MAGI1: variants seen among roughly 807,000 people sequenced by gnomAD.
MAGI1 encodes membrane associated guanylate kinase, WW and PDZ domain containing 1.
MAGI1 carries 58 observed loss-of-function variants against 139.9 expected under a neutral mutation model. The observed-to-expected ratio is 0.41, with a 90% CI of 0.34 to 0.52. MAGI1 has a LOEUF of 0.52. Ranked by LOEUF, MAGI1 falls within the 20% of genes least tolerant of loss-of-function variation. The pLI is 0.12. For missense variants in MAGI1, 1,874 were observed against 1,901.6 expected (o/e 0.99, Z 0.27); for synonymous variants, 812 against 737.9 (o/e 1.10, Z -1.63).
At chr3:65,414,663 C>T (rs1454914102) in intron 12 of MAGI1, among the ~76,000 whole-genome samples, 1 of 152,136 alleles carries the variant, frequency 6.6e-6, no homozygotes, top group East Asian at 1.9e-4. Context: ...GCAATTGATC[C>T]TAAGTTGCCA....
chr3:65,710,566 C>T (rs921566629), intron 1 of MAGI1, among the ~76,000 whole-genome samples: 2 of 152,030 alleles, frequency 1.3e-5, no homozygotes, highest in Non-Finnish European at 2.9e-5. Flanking sequence ...CGTGAGCCAC[C>T]GTGCCCAGCC....
intron 1 of MAGI1, among the ~76,000 whole-genome samples, chr3:65,664,898 G>C (rs2086415527): frequency 1.3e-5 from 2 of 152,228 alleles, no homozygotes; most frequent in Non-Finnish European, 1.5e-5. Flanking sequence ...TAGTGCTGAA[G>C]TCTATATAGT....
intron 12 of MAGI1, among the ~76,000 whole-genome samples, chr3:65,422,425 C>T (rs1946694303): frequency 6.6e-6 from 1 of 152,152 alleles, no homozygotes; most frequent in African/African-American, 2.4e-5. Flanking sequence ...GGTTCAGAGT[C>T]AGGATCTGTC....
chr3:65,413,071 A>AAC (rs1164033412), intron 12 of MAGI1, among the ~76,000 whole-genome samples: 1 of 123,022 alleles, frequency 8.1e-6, no homozygotes, highest in Non-Finnish European at 1.7e-5. Context: ...ACAAAAAGCG[A>AAC]ACACATGCTG....
chr3:65,806,090 TTAAAA>T (rs1007126460), intron 1 of MAGI1, among the ~76,000 whole-genome samples: 1 of 152,100 alleles, frequency 6.6e-6, no homozygotes, highest in African/African-American at 2.4e-5. Flanking sequence ...ATCCTGGAAC[TTAAAA>T]TAAAATATAA....
At position 65,641,635 on chromosome 3, in the gene MAGI1, G is replaced by A. The variant is rs573047405; in HGVS notation, c.314-19547C>T. 2.0e-5 allele frequency among the ~76,000 whole-genome samples: 3 copies of A among 152,284 alleles called. No homozygotes were observed. In the South Asian group the frequency reaches 6.2e-4, roughly 32 times the overall value. On this transcript the variant is annotated intron_variant, in intron 1 of 22. Coordinates refer to ENST00000402939, the MANE Select transcript of MAGI1 (RefSeq NM_001033057.2). ...TATAAGACTCTGAACCAGGTGCAGA[G>A]AGTGGTACGGGAGTGAAGAACATCA...
chr3:65,554,750 C>G, intron 2 of MAGI1, among the ~76,000 whole-genome samples: 1 of 152,172 alleles, frequency 6.6e-6, no homozygotes, highest in Non-Finnish European at 1.5e-5. Flanking sequence ...CATCAGACAA[C>G]CCTGATTTAA....
chr3:65,822,678 GA>G (rs1253581569), intron 1 of MAGI1, among the ~76,000 whole-genome samples: 1 of 152,216 alleles, frequency 6.6e-6, no homozygotes, highest in East Asian at 1.9e-4. Context: ...GAGGCCTCAG[GA>G]AGTTTACAAT....
At chr3:65,409,698 A>C (rs567491797) in intron 12 of MAGI1, among the ~76,000 whole-genome samples, 2 of 152,256 alleles carry the variant, frequency 1.3e-5, no homozygotes, top group South Asian at 4.1e-4. Context: ...TTTCAATACA[A>C]ATATGATACC....
intron 22 of MAGI1, chr3:65,359,238 A>G (rs1262373642): frequency 3.8e-6 from 6 of 1,574,062 alleles, no homozygotes; most frequent in East Asian, 4.5e-5. Context: ...TAGATTCCCT[A>G]TAACACAGAG....
chr3:65,967,887 T>A (rs2064834600), intron 1 of MAGI1, among the ~76,000 whole-genome samples: 1 of 152,072 alleles, frequency 6.6e-6, no homozygotes, highest in South Asian at 2.1e-4. Context: ...GAGCCAGCGA[T>A]TAAAGGGGAG....
At chr3:66,018,281 A>G (rs2067775918) in intron 1 of MAGI1, among the ~76,000 whole-genome samples, 1 of 152,184 alleles carries the variant, frequency 6.6e-6, no homozygotes, top group Non-Finnish European at 1.5e-5. Context: ...GGGATGTAAA[A>G]GCAGAGTATT....
chr3:65,397,426 T>C (rs1944478540), intron 13 of MAGI1, among the ~76,000 whole-genome samples: 2 of 152,290 alleles, frequency 1.3e-5, no homozygotes, highest in African/African-American at 4.8e-5. Context: ...GCTTGCTATG[T>C]CTGCTCTAAA....
chr3:65,460,627 A>G (rs999006703), intron 5 of MAGI1, among the ~76,000 whole-genome samples: 1 of 152,150 alleles, frequency 6.6e-6, no homozygotes, highest in Admixed American at 6.5e-5. Context: ...TACATGTGCC[A>G]TGGTGGTTTG....
At chr3:65,668,562 CTTTTTT>C (rs58434479) in intron 1 of MAGI1, among the ~76,000 whole-genome samples, 6 of 79,888 alleles carry the variant, frequency 7.5e-5, no homozygotes, top group African/African-American at 2.4e-4. Flanking sequence ...CCTTTTTTTT[CTTTTTT>C]TTTTTTTTTT....
chr3:65,616,738 G>T (rs1036724154), intron 2 of MAGI1, among the ~76,000 whole-genome samples: 1 of 152,172 alleles, frequency 6.6e-6, no homozygotes, highest in African/African-American at 2.4e-5. Flanking sequence ...GAACTCTCAA[G>T]TTCATGAGTT....
intron 1 of MAGI1, among the ~76,000 whole-genome samples, chr3:65,802,169 C>T (rs945769491): frequency 5.3e-5 from 8 of 152,110 alleles, no homozygotes; most frequent in African/African-American, 1.9e-4. Context: ...CATCTTCATT[C>T]AGTTAAAATT....
In MAGI1 at chr3:65,505,405, A is replaced by T. The variant is rs1019170015; in HGVS notation, c.431-11774T>A. 6.6e-5 allele frequency among the ~76,000 whole-genome samples: 10 copies of T among 152,046 alleles called. No individual in the cohort carries two copies. The East Asian group carries it at 1.3e-3, about 21-fold the overall frequency. ...TTTCTTGCTTAGTTAAAAAAAAAAAAAAAATAACTGGGGCCAGGCATGGTA... is the reference window on the plus strand; with the variant it reads ...TTTCTTGCTTAGTTAAAAAAAAAAATAAAATAACTGGGGCCAGGCATGGTA... On this transcript the variant is annotated intron_variant, in intron 2 of 22. Transcript: ENST00000402939.
intron 3 of MAGI1, among the ~76,000 whole-genome samples, chr3:65,491,922 C>CAAAG (rs1344519972): frequency 6.6e-6 from 1 of 152,106 alleles, no homozygotes; most frequent in Non-Finnish European, 1.5e-5. Flanking sequence ...GCAGTATGTA[C>CAAAG]AAAGACAATG....
Sources: gnomAD v4.1 joint callset for allele counts (sites outside exome capture counted in the v4.1 genomes callset) on GRCh38, gnomAD v4.1.1 for gene constraint, MANE v1.5 for transcripts, NCBI Gene and HGNC (gene_info 2026-07-23, HGNC 2026-07-21) for gene names.